Variants in SH3D19 observed in about 807,000 individuals in gnomAD.
SH3D19 encodes the protein SH3 domain-containing protein 19.
SH3D19 carries 58 observed loss-of-function variants against 112.1 expected under a neutral mutation model. The ratio of observed to expected loss-of-function variants is 0.52; its 90% CI spans 0.42 to 0.64. The LOEUF is 0.64. SH3D19 is among the 30% of genes least tolerant of loss of function. The pLI, the probability that SH3D19 is intolerant of heterozygous loss-of-function variation, is 0.00. For synonymous variants in SH3D19, 391 were observed against 448.5 expected (o/e 0.87, Z 1.62); for missense variants, 1,090 against 1,263.4 (o/e 0.86, Z 2.08).
chr4:151,213,671 A>ATTTATTT (rs1554055367), intron 2 of SH3D19, among the ~76,000 whole-genome samples: 16,480 of 147,976 alleles, frequency 0.11, 1,178 homozygotes, highest in African/African-American at 0.12. Context: ...AATATGAATT[A>ATTTATTT]ATTAATTAAT....
intron 1 of SH3D19, among the ~76,000 whole-genome samples, chr4:151,229,297 G>GA (rs942830147): frequency 9.2e-5 from 14 of 152,000 alleles, no homozygotes; most frequent in African/African-American, 2.4e-4. Flanking sequence ...TCATTTCTAT[G>GA]AAAAAAAGAG....
chr4:151,304,402 G>C (rs984417022), intron 1 of SH3D19, among the ~76,000 whole-genome samples: 5 of 152,122 alleles, frequency 3.3e-5, no homozygotes, highest in Non-Finnish European at 5.9e-5. Flanking sequence ...TCCCAGCTCA[G>C]TGGGAACCTT....
At chr4:151,289,563 T>C (rs1024679027) in intron 1 of SH3D19, among the ~76,000 whole-genome samples, 5 of 152,186 alleles carry the variant, frequency 3.3e-5, no homozygotes, top group Non-Finnish European at 2.9e-5. Flanking sequence ...AGCATCTGAA[T>C]AGATATTTTT....
At chr4:151,162,838 G>A (rs543641458) in intron 8 of SH3D19, among the ~76,000 whole-genome samples, 19 of 152,280 alleles carry the variant, frequency 1.2e-4, no homozygotes, top group Admixed American at 4.6e-4. Context: ...GCCTCCCAAA[G>A]TGCTGGAATT....
chr4:151,275,957 C>T (rs536209020), intron 1 of SH3D19, among the ~76,000 whole-genome samples: 16 of 152,028 alleles, frequency 1.1e-4, no homozygotes, highest in African/African-American at 3.9e-4. Context: ...ATTCTCCTGC[C>T]TCAGCCTCCC....
chr4:151,172,765 G>C (rs1256317149), intron 7 of SH3D19, among the ~76,000 whole-genome samples: 1 of 152,208 alleles, frequency 6.6e-6, no homozygotes, highest in Non-Finnish European at 1.5e-5. Flanking sequence ...GCTAGCCACT[G>C]TGTGACACGG....
At chr4:151,188,690 A>C (rs923410367) in intron 2 of SH3D19, among the ~76,000 whole-genome samples, 11 of 152,226 alleles carry the variant, frequency 7.2e-5, no homozygotes, top group African/African-American at 2.7e-4. Context: ...GGATGATATT[A>C]TGAATTTAAA....
At chr4:151,196,098 A>C (rs920765139) in intron 2 of SH3D19, among the ~76,000 whole-genome samples, 38 of 152,158 alleles carry the variant, frequency 2.5e-4, no homozygotes, top group African/African-American at 9.2e-4. Context: ...ACTGCCTGGC[A>C]AGAGAAAGTA....
intron 1 of SH3D19, among the ~76,000 whole-genome samples, chr4:151,295,701 G>C (rs563834280): frequency 6.6e-6 from 1 of 152,272 alleles, no homozygotes; most frequent in East Asian, 1.9e-4. Flanking sequence ...GATTAGAAAA[G>C]GAGGCAGTGA....
intron 2 of SH3D19, among the ~76,000 whole-genome samples, chr4:151,211,393 T>A (rs1765946695): frequency 6.6e-6 from 1 of 152,152 alleles, no homozygotes; most frequent in African/African-American, 2.4e-5. Context: ...AAAACAATAC[T>A]GAAATTAGGG....
chr4:151,135,421 ATTTTTTTTTTTT>A (rs34291277), intron 14 of SH3D19, among the ~76,000 whole-genome samples: 1 of 87,464 alleles, frequency 1.1e-5, no homozygotes, highest in Non-Finnish European at 2.0e-5. Flanking sequence ...TCTCTATCTC[ATTTTTTTTTTTT>A]TTTTTTTTTT....
At chr4:151,289,728 C>T in intron 1 of SH3D19, among the ~76,000 whole-genome samples, 1 of 152,190 alleles carries the variant, frequency 6.6e-6, no homozygotes, top group South Asian at 2.1e-4. Flanking sequence ...TACCATATGA[C>T]CCAGAAATTC....
At chr4:151,147,396 T>G (rs1408072367) in intron 11 of SH3D19, among the ~76,000 whole-genome samples, 2 of 152,018 alleles carry the variant, frequency 1.3e-5, no homozygotes, top group Non-Finnish European at 2.9e-5. Flanking sequence ...ACAAGCGGCC[T>G]GCCCTGCTTT....
intron 2 of SH3D19, among the ~76,000 whole-genome samples, chr4:151,222,821 C>G (rs1249343269): frequency 7.2e-5 from 11 of 151,740 alleles, no homozygotes; most frequent in Admixed American, 7.2e-4. Flanking sequence ...TACAGGCATG[C>G]ACCACCATGC....
intron 2 of SH3D19, among the ~76,000 whole-genome samples, chr4:151,195,971 G>A (rs1440859198): frequency 6.6e-6 from 1 of 151,222 alleles, no homozygotes; most frequent in Non-Finnish European, 1.5e-5. Context: ...CGGTCATCCT[G>A]GTTTCAAAAA....
Position 151,175,504 on chromosome 4 carries a change from G to A in SH3D19, c.700C>T (p.Leu234Phe). 3 of 1,419,624 alleles carry A rather than the reference G, an allele frequency of 2.1e-6. No homozygotes were observed. Among genetic ancestry groups the A allele is most frequent in the Non-Finnish European group, 2.7e-6 (3 of 1,091,048 alleles). The allele number at this position is 1,419,624 out of a possible 1,614,324, so 87.9% of individuals were successfully genotyped here. ...TGAGAATCTCTGGGTATTGGTCTGA[G>A]GTTGCTTTTTGATCTTGGTTTTGGC... ...PVPKPRSKSN[L>F]RPIPRDSHIK... The change falls in exon 7 of 20, where the codon CTC becomes TTC. Residue 234 changes from leucine to phenylalanine, a missense_variant. Transcript: ENST00000604030.
intron 1 of SH3D19, among the ~76,000 whole-genome samples, chr4:151,298,649 T>C (rs1385222612): frequency 3.4e-5 from 5 of 146,234 alleles, no homozygotes; most frequent in Non-Finnish European, 7.6e-5. Context: ...AAAAGCACAA[T>C]CTGTTTGAAT....
At chr4:151,152,668 G>A (rs771475306) in intron 9 of SH3D19, among the ~76,000 whole-genome samples, 3 of 151,064 alleles carry the variant, frequency 2.0e-5, no homozygotes, top group Admixed American at 2.0e-4. Flanking sequence ...ACAGGCATGC[G>A]CCACCATGCC....
chr4:151,171,493 G>A (rs1329338799), intron 7 of SH3D19, among the ~76,000 whole-genome samples: 1 of 152,082 alleles, frequency 6.6e-6, no homozygotes, highest in African/African-American at 2.4e-5. Context: ...TTGTCTACTT[G>A]TATTTGCAAT....
Sources: allele counts gnomAD v4.1 joint callset (sites outside exome capture counted in the v4.1 genomes callset), GRCh38; gene constraint gnomAD v4.1.1; transcripts MANE v1.5; gene names NCBI Gene and HGNC (gene_info 2026-07-23, HGNC 2026-07-21).